Variants in INO80D observed in about 807,000 individuals in gnomAD.
The protein encoded by INO80D is INO80 complex subunit D.
INO80D carries 21 observed loss-of-function variants against 87.6 expected under a neutral mutation model. That is an observed-to-expected ratio of 0.24 (90% CI 0.17 to 0.35). INO80D has a LOEUF of 0.35. INO80D is among the 10% of genes least tolerant of loss of function. INO80D has a pLI of 1.00. For missense variants in INO80D, 982 were observed against 1,280.7 expected (o/e 0.77, Z 3.56); for synonymous variants, 440 against 491.0 (o/e 0.90, Z 1.37).
intron 9 of INO80D, among the ~76,000 whole-genome samples, chr2:206,008,589 T>G (rs1318609746): frequency 1.3e-5 from 2 of 152,176 alleles, no homozygotes; most frequent in African/African-American, 2.4e-5. Context: ...CTAGGTTTTT[T>G]ATATTCAACA....
rs986113109 is a variant in INO80D, at chr2:206,062,498, AG to A, written c.218+300del. ...TTCAAGACTTCAAGCAGCAACTTTG[AG>A]GGAAAAAAAATCTTTTAAAAATTCT... is the stretch of plus-strand genomic sequence containing the variant. On this transcript the variant is annotated intron_variant, in intron 3 of 10. Coordinates refer to ENST00000403263, the MANE Select transcript of INO80D (RefSeq NM_017759.5). This position sits in a 1 kb window ranked among gnomAD's most constrained non-coding sequence, Gnocchi z 4.6. 1.8e-4 allele frequency among the ~76,000 whole-genome samples: 27 copies of A among 152,294 alleles called. No individual in the cohort carries two copies. Among genetic ancestry groups the A allele is most frequent in the African/African-American group, 6.5e-4 (27 of 41,572 alleles).
rs1216764339 is a variant in INO80D at position 206,085,332 on chromosome 2, C to A, written c.-124+569G>T. Among the ~76,000 whole-genome samples, 3 of 151,894 alleles carry A rather than the reference C, an allele frequency of 2.0e-5. No individual in the cohort carries two copies. The highest frequency in any genetic ancestry group is 4.4e-5 in the Non-Finnish European group (3 of 67,910). On this transcript the variant is annotated intron_variant, in intron 1 of 10. Transcript: ENST00000403263. This position sits in a 1 kb window ranked among gnomAD's most constrained non-coding sequence, Gnocchi z 4.5. Reference sequence around the variant, plus strand: ...TTCAACTCTTACCGGAATCTGGGGGCCGTCTGCGAGAGACCCGGGGGAAGG... The same window carrying A: ...TTCAACTCTTACCGGAATCTGGGGGACGTCTGCGAGAGACCCGGGGGAAGG...
intron 8 of INO80D, among the ~76,000 whole-genome samples, chr2:206,014,836 T>C (rs1688276205): frequency 6.6e-6 from 1 of 152,214 alleles, no homozygotes; most frequent in East Asian, 1.9e-4. Context: ...GTGGGAAAGT[T>C]TGGAACTCAC....
At chr2:206,011,162 C>T (rs1688164703) in intron 8 of INO80D, among the ~76,000 whole-genome samples, 1 of 151,892 alleles carries the variant, frequency 6.6e-6, no homozygotes, top group Non-Finnish European at 1.5e-5. Context: ...ATTATGTCCA[C>T]TATTTAACTC....
intron 5 of INO80D, among the ~76,000 whole-genome samples, chr2:206,032,288 C>T (rs1347670943): frequency 6.6e-6 from 1 of 152,176 alleles, no homozygotes. Flanking sequence ...TAGCCTCGGA[C>T]AAGTTCTCAA....
intron 1 of INO80D, among the ~76,000 whole-genome samples, chr2:206,065,466 C>T (rs1199900946): frequency 6.6e-6 from 1 of 151,482 alleles, no homozygotes; most frequent in Admixed American, 6.6e-5. Flanking sequence ...GAGACTCTGT[C>T]TCAAAAAAAG....
At chr2:206,007,517 A>C in intron 9 of INO80D, 76 bp from the exon 10 acceptor site, 3 of 1,494,668 alleles carry the variant, frequency 2.0e-6, no homozygotes, top group Non-Finnish European at 2.7e-6. Flanking sequence ...AAGTTCATTC[A>C]ACATGAAAAG....
intron 8 of INO80D, among the ~76,000 whole-genome samples, chr2:206,014,981 C>T (rs1162176989): frequency 6.6e-6 from 1 of 152,142 alleles, no homozygotes; most frequent in Non-Finnish European, 1.5e-5. Flanking sequence ...TATGTTTTAG[C>T]AAAGAGACTG....
intron 3 of INO80D, among the ~76,000 whole-genome samples, chr2:206,061,274 G>A (rs1297526917): frequency 6.6e-6 from 1 of 152,062 alleles, no homozygotes; most frequent in Non-Finnish European, 1.5e-5. Context: ...GCCTCCAAAA[G>A]TGCTGGGATT....
At chr2:206,084,462 C>T (rs1398442450) in intron 1 of INO80D, 4 of 152,192 alleles carry the variant, frequency 2.6e-5, no homozygotes, top group Admixed American at 6.5e-5. Context: ...AAACTGTAGA[C>T]CTTGTTTCGG....
Position 206,069,201 on chromosome 2 carries a change from C to A in INO80D, c.-123-5957G>T, listed in dbSNP as rs1689896983. Reference sequence around the variant, plus strand: ...TGGATTTTTTTTCCTCCTCTGCTACCCTGACAGTAAGACCAACCCCTTCTC... The same window carrying A: ...TGGATTTTTTTTCCTCCTCTGCTACACTGACAGTAAGACCAACCCCTTCTC... On this transcript the variant is annotated intron_variant, in intron 1 of 10. Coordinates refer to ENST00000403263, the MANE Select transcript of INO80D (RefSeq NM_017759.5). 1.3e-5 allele frequency among the ~76,000 whole-genome samples: 2 copies of A among 151,892 alleles called. 1 individual carries two copies. The highest frequency in any genetic ancestry group is 1.3e-4 in the Admixed American group (2 of 15,248).
chr2:206,057,118 T>C (rs916229997), intron 3 of INO80D, among the ~76,000 whole-genome samples, 175 bp from the exon 4 acceptor site: 12 of 152,176 alleles, frequency 7.9e-5, no homozygotes, highest in Non-Finnish European at 1.8e-4. Flanking sequence ...AAAGTCAGTG[T>C]AATTTTGATG....
At chr2:206,007,570 C>A in intron 9 of INO80D, 129 bp from the exon 10 acceptor site, 1 of 1,081,008 alleles carries the variant, frequency 9.3e-7, no homozygotes, top group Non-Finnish European at 1.3e-6. Flanking sequence ...ACCTGTAATC[C>A]CAGCACTTTG....
intron 5 of INO80D, among the ~76,000 whole-genome samples, chr2:206,033,980 C>G (rs148339430): frequency 1.1e-3 from 169 of 152,178 alleles, no homozygotes; most frequent in African/African-American, 3.9e-3. Flanking sequence ...TGTACATAAA[C>G]TGGAAAACCT....
chr2:206,012,685 T>C (rs2105806424), intron 8 of INO80D, among the ~76,000 whole-genome samples: 1 of 151,994 alleles, frequency 6.6e-6, no homozygotes, highest in South Asian at 2.1e-4. Flanking sequence ...CTGGCCAACA[T>C]GGTAAAACCC....
Position 206,057,530 on chromosome 2 carries a change from A to T in INO80D, c.219-587T>A, listed in dbSNP as rs555652857. ...ATAGCCAGATGTAAGTACATGAATT[A>T]TCTCCTGTAGTACCTACCTGCAGTA... On this transcript the variant is annotated intron_variant, in intron 3 of 10. Transcript: ENST00000403263. Among the ~76,000 whole-genome samples the T allele has an allele frequency of 2.4e-3, 359 of 152,282 alleles. 3 individuals are homozygous for T. Among genetic ancestry groups the T allele is most frequent in the African/African-American group, 8.3e-3 (345 of 41,562 alleles).
At position 206,005,219 on chromosome 2, in the gene INO80D, G is replaced by A. The variant is rs1180210015; in HGVS notation, c.2233C>T (p.Pro745Ser). Residue 745 changes from proline to serine, a missense_variant, in exon 11 of 11, where the codon CCT (proline) becomes TCT (serine). Coordinates refer to ENST00000403263, the MANE Select transcript of INO80D (RefSeq NM_017759.5). ...TGGATCTGCCCTGCCAGGGGTGTAG[G>A]TGGGTTTGACAAGGTAGCAGAACGG... ...LLRSATLSNP[P>S]TPLAGQIQGQ... The A allele has an allele frequency of 6.2e-7, 1 of 1,613,996 alleles. No individual in the cohort carries two copies. The highest frequency in any genetic ancestry group is 1.1e-5 in the South Asian group (1 of 91,078).
intron 5 of INO80D, among the ~76,000 whole-genome samples, chr2:206,038,151 T>C (rs986196247): frequency 7.9e-5 from 12 of 152,146 alleles, no homozygotes; most frequent in Non-Finnish European, 7.4e-5. Flanking sequence ...ATTCATGTGA[T>C]TGGTACCCTA....
chr2:206,076,265 G>A (rs1690113641), intron 1 of INO80D, among the ~76,000 whole-genome samples: 1 of 152,154 alleles, frequency 6.6e-6, no homozygotes, highest in African/African-American at 2.4e-5. Context: ...TATACTTAAT[G>A]CAAATGAAAA....
Sources: gnomAD v4.1 joint callset for allele counts (sites outside exome capture counted in the v4.1 genomes callset) on GRCh38, gnomAD v4.1.1 for gene constraint, Gnocchi (gnomAD v3.1) non-coding constraint, MANE v1.5 for transcripts, NCBI Gene and HGNC (gene_info 2026-07-23, HGNC 2026-07-21) for gene names.